Variants in KCND2 observed in about 807,000 individuals in gnomAD.
The protein encoded by KCND2 is potassium voltage-gated channel subfamily D member 2.
A neutral mutation model predicts 54.4 loss-of-function variants in KCND2; 16 were observed. The ratio of observed to expected loss-of-function variants is 0.29; its 90% CI spans 0.20 to 0.45. The LOEUF is 0.45. KCND2 is among the 20% of genes least tolerant of loss of function. The pLI, the probability that KCND2 is intolerant of heterozygous loss-of-function variation, is 1.00. For missense variants in KCND2, 486 were observed against 824.2 expected, an observed-to-expected ratio of 0.59 and a Z score of 5.02; for synonymous variants, 317 against 310.7, an observed-to-expected ratio of 1.02 and a Z score of -0.21.
At chr7:120,346,668 CCT>C (rs148518409) in intron 1 of KCND2, among the ~76,000 whole-genome samples, 155 of 148,600 alleles carry the variant, frequency 1.0e-3, no homozygotes, top group African/African-American at 2.5e-3. Flanking sequence ...TCTCTTCTCT[CCT>C]CTCTCTCTCT....
Position 120,690,902 on chromosome 7 carries a change from A to T in KCND2, c.1116-42001A>T, listed in dbSNP as rs186255522. On this transcript the variant is annotated intron_variant, in intron 1 of 5. Coordinates refer to ENST00000331113, the MANE Select transcript of KCND2 (RefSeq NM_012281.3). Reference sequence around the variant, plus strand: ...AGGGTAATGCATGCTATAAAGAAAAAGAAAACGAGAATGAGGATAAAGAGT... The same window carrying T: ...AGGGTAATGCATGCTATAAAGAAAATGAAAACGAGAATGAGGATAAAGAGT... Among the ~76,000 whole-genome samples the T allele has an allele frequency of 1.2e-4, 18 of 152,330 alleles. No homozygotes were observed. The East Asian group carries it at 2.5e-3, about 21-fold the overall frequency.
At chr7:120,552,814 G>A (rs1200715206) in intron 1 of KCND2, among the ~76,000 whole-genome samples, 2 of 152,102 alleles carry the variant, frequency 1.3e-5, no homozygotes, top group South Asian at 4.1e-4. Context: ...ATATTTTTGG[G>A]TAGCATCTTC....
intron 1 of KCND2, among the ~76,000 whole-genome samples, chr7:120,478,241 A>T (rs774936187): frequency 2.0e-5 from 3 of 152,178 alleles, no homozygotes; most frequent in Non-Finnish European, 2.9e-5. Context: ...TTTGCACTAA[A>T]GTATACTAGA....
chr7:120,500,972 AT>A (rs1455315599), intron 1 of KCND2, among the ~76,000 whole-genome samples: 1 of 151,808 alleles, frequency 6.6e-6, no homozygotes, highest in East Asian at 1.9e-4. Flanking sequence ...TCTGGCTAGA[AT>A]TTGTCCTTTT....
At chr7:120,356,870 T>A (rs759754345) in intron 1 of KCND2, among the ~76,000 whole-genome samples, 8 of 152,142 alleles carry the variant, frequency 5.3e-5, no homozygotes, top group Non-Finnish European at 8.8e-5. Context: ...TTCTCTCTCT[T>A]GTCTTATTAT....
At chr7:120,671,605 C>T (rs1791994420) in intron 1 of KCND2, among the ~76,000 whole-genome samples, 1 of 152,076 alleles carries the variant, frequency 6.6e-6, no homozygotes, top group South Asian at 2.1e-4. Flanking sequence ...CATCTCCAGT[C>T]CTTTCCTCAC....
intron 1 of KCND2, among the ~76,000 whole-genome samples, chr7:120,622,685 ACACACTCTCTCTCT>A (rs925090512): frequency 7.2e-6 from 1 of 139,432 alleles, no homozygotes; most frequent in African/African-American, 2.9e-5. Context: ...ACACACACAC[ACACACTCTCTCTCT>A]CTCTCTCTCT....
chr7:120,571,286 T>A (rs1173651279), intron 1 of KCND2, among the ~76,000 whole-genome samples: 1 of 152,126 alleles, frequency 6.6e-6, no homozygotes. Context: ...AAATATGAAT[T>A]AAAGAGAGAA....
intron 1 of KCND2, among the ~76,000 whole-genome samples, chr7:120,611,864 T>C (rs1792960089): frequency 1.3e-5 from 2 of 152,110 alleles, no homozygotes; most frequent in South Asian, 2.1e-4. Context: ...AGAAGAGAAA[T>C]GGATGTTTCA....
chr7:120,280,825 G>A (rs1799249000), intron 1 of KCND2, among the ~76,000 whole-genome samples: 1 of 151,852 alleles, frequency 6.6e-6, no homozygotes, highest in South Asian at 2.1e-4. Context: ...ATAATTATCG[G>A]GACTGCTGCT....
At position 120,698,244 on chromosome 7, in the gene KCND2, C is replaced by A. The variant is rs550809216; in HGVS notation, c.1116-34659C>A. ...TGGCCAGGCTGGTCTCGAACTCAAC[C>A]TTTTATCCTTTTAATACATTTGGAG... On this transcript the variant is annotated intron_variant, in intron 1 of 5. Coordinates refer to ENST00000331113, the MANE Select transcript of KCND2 (RefSeq NM_012281.3). 2.7e-4 allele frequency among the ~76,000 whole-genome samples: 41 copies of A among 151,982 alleles called. 1 individual carries two copies. In the South Asian group the frequency reaches 8.1e-3, roughly 30 times the overall value.
chr7:120,738,018 C>G (rs563209651), intron 2 of KCND2, among the ~76,000 whole-genome samples: 7 of 152,088 alleles, frequency 4.6e-5, no homozygotes, highest in African/African-American at 1.4e-4. Flanking sequence ...CTCAGATTGA[C>G]TTCCACCCTC....
At chr7:120,563,263 A>T (rs1792257452) in intron 1 of KCND2, among the ~76,000 whole-genome samples, 1 of 152,188 alleles carries the variant, frequency 6.6e-6, no homozygotes. Flanking sequence ...TTAGAAAAAA[A>T]ATACTGAAGT....
intron 1 of KCND2, among the ~76,000 whole-genome samples, chr7:120,473,616 T>TTG (rs945731145): frequency 6.6e-6 from 1 of 152,180 alleles, no homozygotes; most frequent in African/African-American, 2.4e-5. Flanking sequence ...TGTAATTTTT[T>TTG]TGTGTGTGTG....
intron 1 of KCND2, among the ~76,000 whole-genome samples, chr7:120,495,659 G>C (rs1802837865): frequency 6.6e-6 from 1 of 152,134 alleles, no homozygotes; most frequent in Non-Finnish European, 1.5e-5. Context: ...GACTAAAAGT[G>C]AGTGAAGGAA....
chr7:120,570,941 A>G (rs1792358092), intron 1 of KCND2, among the ~76,000 whole-genome samples: 2 of 152,192 alleles, frequency 1.3e-5, no homozygotes, highest in African/African-American at 4.8e-5. Flanking sequence ...ATGCTTGAAA[A>G]ATAAAAGTAC....
intron 1 of KCND2, among the ~76,000 whole-genome samples, chr7:120,716,775 A>T (rs1263305925): frequency 1.3e-5 from 2 of 152,024 alleles, no homozygotes; most frequent in African/African-American, 2.4e-5. Context: ...TTTGATATAC[A>T]TATTTAATCC....
At chr7:120,566,997 G>T (rs931590794) in intron 1 of KCND2, among the ~76,000 whole-genome samples, 12 of 151,792 alleles carry the variant, frequency 7.9e-5, no homozygotes, top group African/African-American at 2.9e-4. Flanking sequence ...CATTTTGTCT[G>T]TGTATAAACC....
chr7:120,586,156 C>T (rs1162353169), intron 1 of KCND2, among the ~76,000 whole-genome samples: 2 of 151,816 alleles, frequency 1.3e-5, no homozygotes, highest in Non-Finnish European at 2.9e-5. Flanking sequence ...TAGCTGTATA[C>T]TCACACACAG....
Sources: gnomAD v4.1 joint callset for allele counts (sites outside exome capture counted in the v4.1 genomes callset) on GRCh38, gnomAD v4.1.1 for gene constraint, MANE v1.5 for transcripts, NCBI Gene and HGNC (gene_info 2026-07-23, HGNC 2026-07-21) for gene names.